Variants in TACC3 observed in about 807,000 individuals in gnomAD.
The protein encoded by TACC3 is transforming acidic coiled-coil containing protein 3.
A neutral mutation model predicts 86.0 loss-of-function variants in TACC3; 52 were observed. The observed-to-expected ratio is 0.60, with a 90% CI of 0.48 to 0.76. The LOEUF (loss-of-function observed/expected upper bound fraction) is 0.76, where lower values mean the gene tolerates loss of function less well. Ranked by LOEUF, TACC3 falls within the 30% of genes least tolerant of loss-of-function variation. The pLI, the probability that TACC3 is intolerant of heterozygous loss-of-function variation, is 0.00. For synonymous variants in TACC3, 512 were observed against 430.0 expected, an observed-to-expected ratio of 1.19 and a Z score of -2.36; for missense variants, 1,120 against 1,070.4, an observed-to-expected ratio of 1.05 and a Z score of -0.65.
At chr4:1,743,254 C>CAAA (rs60854843) in intron 13 of TACC3, among the ~76,000 whole-genome samples, 2 of 104,626 alleles carry the variant, frequency 1.9e-5, no homozygotes, top group African/African-American at 3.8e-5. Context: ...GACTCCGTCT[C>CAAA]AAAAAAAAAA....
intron 10 of TACC3, among the ~76,000 whole-genome samples, chr4:1,738,812 T>C (rs13123646): frequency 0.71 from 108,417 of 151,792 alleles, 39,867 homozygotes; most frequent in East Asian, 0.86. Flanking sequence ...GTCAGAGTGG[T>C]GGGGTGAGTA....
intron 6 of TACC3, among the ~76,000 whole-genome samples, chr4:1,733,846 C>T (rs542081017): frequency 3.3e-5 from 5 of 152,132 alleles, no homozygotes; most frequent in African/African-American, 1.2e-4. Context: ...GGTGTGTTGG[C>T]ACATGCCTGT....
At chr4:1,723,919 G>A (rs778311755) in intron 3 of TACC3, 49 bp downstream of exon 3, 65 of 1,598,130 alleles carry the variant, frequency 4.1e-5, no homozygotes, top group Non-Finnish European at 5.0e-5. Flanking sequence ...CTCTCTGTCC[G>A]ATGGTTCTTG....
chr4:1,728,317 C>G lies in TACC3; in HGVS notation c.915C>G (p.Thr305=). Residue 305 remains threonine, a synonymous_variant, in exon 4 of 16, where the codon ACC becomes ACG. Transcript: ENST00000313288. ...HTSAPESTAP[T]NHLVAGRAMT... ...CTGCTCCTGAGAGCACAGCCCCAAC[C>G]AACCACCTGGTGGCTGGCAGGGCCA... The G allele has an allele frequency of 6.2e-7, 1 of 1,612,992 alleles. No individual in the cohort carries two copies. The highest frequency in any genetic ancestry group is 8.5e-7 in the Non-Finnish European group (1 of 1,180,038).
intron 6 of TACC3, among the ~76,000 whole-genome samples, chr4:1,732,401 T>G (rs1718047685): frequency 1.4e-5 from 2 of 144,706 alleles, no homozygotes; most frequent in South Asian, 4.6e-4. Context: ...AGGCTGCAGT[T>G]AAATAAATAC....
At chr4:1,732,421 G>A (rs1439416596) in intron 6 of TACC3, among the ~76,000 whole-genome samples, 1 of 152,210 alleles carries the variant, frequency 6.6e-6, no homozygotes, top group East Asian at 1.9e-4. Flanking sequence ...CAGTTTGTCC[G>A]TAAGATTGGA....
chr4:1,728,272 C>G lies in TACC3; in HGVS notation c.870C>G (p.Thr290=). The stretch of plus-strand genomic sequence containing the variant: ...CCGTGCCAGCAGATGGCACTCAGAC[C>G]CTTACCTGTGCACACACCTCTGCTC... ...GTPVPADGTQ[T]LTCAHTSAPE... is the part of the protein sequence containing the mutation. Residue 290 remains threonine, a synonymous_variant, in exon 4 of 16, where the codon ACC becomes ACG. Transcript: ENST00000313288. 6.2e-7 allele frequency: 1 copy of G among 1,612,766 alleles called. No homozygotes were observed. The highest frequency in any genetic ancestry group is 8.5e-7 in the Non-Finnish European group (1 of 1,180,010).
intron 4 of TACC3, chr4:1,730,656 C>T: frequency 1.5e-6 from 1 of 669,986 alleles, no homozygotes; most frequent in Non-Finnish European, 2.8e-6. Context: ...TCCCAGCCTG[C>T]TTCTCCCAGA....
Position 1,744,630 on chromosome 4 carries a change from T to C in TACC3, c.2330+6T>C. ...GCGGAGGAGAAGCTGCAGCTGTGAG[T>C]GCTGGGCGAGGCCCCACCCTGGAGG... is the stretch of plus-strand genomic sequence containing the variant. On this transcript the variant is annotated splice_donor_region_variant and intron_variant, in intron 14 of 15. Coordinates refer to ENST00000313288, the MANE Select transcript of TACC3 (RefSeq NM_006342.3). The C allele has an allele frequency of 6.2e-7, 1 of 1,612,830 alleles. No individual in the cohort carries two copies. The highest frequency in any genetic ancestry group is 1.1e-5 in the South Asian group (1 of 91,076).
In TACC3 at chr4:1,723,968, A is replaced by G. The variant is rs541337578; in HGVS notation, c.305+98A>G. 5.0e-6 allele frequency: 7 copies of G among 1,394,616 alleles called. No individual in the cohort carries two copies. In the East Asian group the frequency reaches 1.6e-4, roughly 32 times the overall value. The allele number at this position is 1,394,616 out of a possible 1,614,324, so 86.4% of individuals were successfully genotyped here. A position where few individuals can be genotyped will look rare whatever the true frequency, so the allele number is the denominator to read the frequency against. On this transcript the variant is annotated intron_variant, in intron 3 of 15. Transcript: ENST00000313288. ...TCTTGTTCTATCAGGCCTTGGCTGG[A>G]TTTTTTGTTTGTTTGTTTGAGATGG...
At position 1,735,679 on chromosome 4, in the gene TACC3, T is replaced by G; in HGVS notation, c.1645-52T>G. Reference sequence around the variant, plus strand: ...TGACCTCCCTGGCCCTTAGCCCCCGTGTGTGTTAGGGGATGGCAGTCAGAC... The same window carrying G: ...TGACCTCCCTGGCCCTTAGCCCCCGGGTGTGTTAGGGGATGGCAGTCAGAC... On this transcript the variant is annotated intron_variant, in intron 7 of 15. Transcript: ENST00000313288. The surrounding 1 kb of genome is among the most constrained non-coding windows in gnomAD (Gnocchi z 4.2). 1.8e-5 allele frequency: 25 copies of G among 1,415,832 alleles called. No individual in the cohort carries two copies. Among genetic ancestry groups the G allele is most frequent in the South Asian group, 2.3e-5 (2 of 86,772 alleles). 87.7% of individuals were successfully genotyped at this position (1,415,832 alleles called of 1,614,324 possible). A position where few individuals can be genotyped will look rare whatever the true frequency, so the allele number is the denominator to read the frequency against.
In TACC3 at chr4:1,731,254, A is replaced by G. The variant is rs1435046369; in HGVS notation, c.1544A>G (p.Gln515Arg). The change falls in exon 6 of 16, where the codon CAG becomes CGG. Residue 515 changes from glutamine (Q) to arginine (R), a missense_variant. By Grantham distance (43) the Gln-to-Arg change is conservative. Transcript: ENST00000313288. ...CCAGTGCCCACCCATCAGCAGGGGC[A>G]GCCTGCCTTGGAGCTGAAAGAGGAG... ...SEPVPTHQQG[Q>R]PALELKEESF... The G allele has an allele frequency of 6.2e-7, 1 of 1,613,386 alleles. No homozygotes were observed. Among genetic ancestry groups the G allele is most frequent in the South Asian group, 1.1e-5 (1 of 91,090 alleles).
intron 1 of TACC3, among the ~76,000 whole-genome samples, chr4:1,722,826 G>T (rs909795560): frequency 6.6e-6 from 1 of 152,200 alleles, no homozygotes; most frequent in African/African-American, 2.4e-5. Flanking sequence ...AAGTTCCTTG[G>T]CACCTGTTGC....
intron 6 of TACC3, among the ~76,000 whole-genome samples, chr4:1,731,916 G>C (rs1225368181): frequency 6.6e-6 from 1 of 152,258 alleles, no homozygotes; most frequent in African/African-American, 2.4e-5. Flanking sequence ...TTGCACGCGT[G>C]AGCCCCCGCG....
At chr4:1,738,023 G>T in intron 10 of TACC3, 1 of 420,672 alleles carries the variant, frequency 2.4e-6, no homozygotes, top group Non-Finnish European at 4.6e-6. Flanking sequence ...CCCGAGTGTC[G>T]CCCCTTTCCT....
At chr4:1,740,029 G>T (rs575890670) in intron 12 of TACC3, 27 bp downstream of exon 12, 2 of 1,612,310 alleles carry the variant, frequency 1.2e-6, no homozygotes, top group Non-Finnish European at 1.7e-6. Flanking sequence ...CCGAGGCCAC[G>T]TGCCTCCACG....
chr4:1,741,802 G>C (rs1235855297), intron 13 of TACC3: 1 of 152,244 alleles, frequency 6.6e-6, no homozygotes, highest in African/African-American at 2.4e-5. Context: ...GGGCCCAGCT[G>C]CCTAACAGAA....
rs953742250 is a variant in TACC3 at position 1,739,542 on chromosome 4, C to A, written c.1942-160C>A. 1.0e-5 allele frequency: 7 copies of A among 674,246 alleles called. No homozygotes were observed. The East Asian group carries it at 1.9e-4, about 19-fold the overall frequency. The allele number at this position is 674,246 out of a possible 1,614,324, so 41.8% of individuals were successfully genotyped here. A position where few individuals can be genotyped will look rare whatever the true frequency, so the allele number is the denominator to read the frequency against. ...CACGTGGAGCAGGTGGCCTTGGCCT[C>A]GACAGGGTTCCCAGGGTCCCACTGG... On this transcript the variant is annotated intron_variant, in intron 10 of 15. Coordinates refer to ENST00000313288, the MANE Select transcript of TACC3 (RefSeq NM_006342.3).
At position 1,724,063 on chromosome 4, in the gene TACC3, G is replaced by A. The variant is rs531333667; in HGVS notation, c.305+193G>A. 5.3e-5 allele frequency among the ~76,000 whole-genome samples: 8 copies of A among 152,216 alleles called. No individual in the cohort carries two copies. In the South Asian group the frequency reaches 1.7e-3, roughly 32 times the overall value. ...CGCTCACTGCAAGCTCCGCCCCCCA[G>A]GTTCATGCCATTCTCCTGCCTCAGC... On this transcript the variant is annotated intron_variant, in intron 3 of 15. Transcript: ENST00000313288.
Sources: gnomAD v4.1 joint callset for allele counts (sites outside exome capture counted in the v4.1 genomes callset) on GRCh38, gnomAD v4.1.1 for gene constraint, Gnocchi (gnomAD v3.1) non-coding constraint, MANE v1.5 for transcripts, NCBI Gene and HGNC (gene_info 2026-07-23, HGNC 2026-07-21) for gene names.